Variants in DAB1 observed in about 807,000 individuals in gnomAD.
DAB1 encodes the protein DAB adaptor protein 1.
A neutral mutation model predicts 64.6 loss-of-function variants in DAB1; 15 were observed. The observed-to-expected ratio is 0.23, with a 90% CI of 0.16 to 0.36. The LOEUF (loss-of-function observed/expected upper bound fraction) is 0.36, where lower values mean the gene tolerates loss of function less well. Among genes scored for constraint, DAB1 ranks in the 10% least tolerant of loss-of-function variants. The probability of loss-of-function intolerance (pLI) is 1.00; values close to 1 mark genes in which losing one functional copy is unlikely to be tolerated. For missense variants in DAB1, 596 were observed against 706.7 expected (o/e 0.84, Z 1.78); for synonymous variants, 235 against 251.9 (o/e 0.93, Z 0.64).
downstream of DAB1, among the ~76,000 whole-genome samples, chr1:57,823,281 C>A (rs1347264284): frequency 6.6e-6 from 1 of 151,520 alleles, no homozygotes; most frequent in Non-Finnish European, 1.5e-5. Flanking sequence ...CTGCGCCCAG[C>A]TGAAAAAATT....
At chr1:57,203,206 C>T (rs1405690320) in intron 2 of DAB1, among the ~76,000 whole-genome samples, 2 of 152,182 alleles carry the variant, frequency 1.3e-5, no homozygotes, top group Non-Finnish European at 2.9e-5. Flanking sequence ...AAGTTTTGGA[C>T]AATCTAACAG....
chr1:57,754,313 G>T (rs1648691112), intron 6 of DAB1, among the ~76,000 whole-genome samples: 1 of 152,140 alleles, frequency 6.6e-6, no homozygotes, highest in Admixed American at 6.5e-5. Flanking sequence ...TGAATAAATA[G>T]ATTTTAAAAG....
intron 4 of DAB1, among the ~76,000 whole-genome samples, chr1:58,282,789 T>C (rs1661592626): frequency 6.6e-6 from 1 of 152,254 alleles, no homozygotes; most frequent in Non-Finnish European, 1.5e-5. Context: ...ATGCTTGTTC[T>C]GCCTTGTGCC....
intron 3 of DAB1, among the ~76,000 whole-genome samples, chr1:58,492,944 C>A (rs2100382621): frequency 6.6e-6 from 1 of 152,236 alleles, no homozygotes; most frequent in East Asian, 1.9e-4. Context: ...GATACCAAAG[C>A]CTGGCAGAGA....
intron 6 of DAB1, among the ~76,000 whole-genome samples, chr1:57,772,921 T>C (rs972750842): frequency 2.6e-5 from 4 of 152,044 alleles, no homozygotes; most frequent in Admixed American, 2.0e-4. Context: ...GTGACTGGTG[T>C]CCTTGAAAAA....
At position 58,528,501 on chromosome 1, in the gene DAB1, T is replaced by C. The variant is rs369260408; in HGVS notation, n.33-1166A>G. Among the ~76,000 whole-genome samples the C allele has an allele frequency of 5.9e-4, 90 of 152,338 alleles. No homozygotes were observed. The South Asian group carries it at 0.018, about 30-fold the overall frequency. ...AATGATTCTAAACCTAGTGTGATTT[T>C]GTCCTCCAGGGACATTTACAAATGT... On this transcript the variant is annotated intron_variant and non_coding_transcript_variant, in intron 1 of 20. Coordinates refer to the DAB1 transcript ENST00000485760.
chr1:57,523,484 G>A (rs2793633), intron 7 of DAB1, among the ~76,000 whole-genome samples: 109,271 of 152,092 alleles, frequency 0.72, 39,406 homozygotes, highest in South Asian at 0.78. Context: ...CATTGAGGAA[G>A]GTTTCCAGTA....
intron 1 of DAB1, among the ~76,000 whole-genome samples, chr1:57,380,086 A>G (rs549319801): frequency 6.6e-6 from 1 of 152,282 alleles, no homozygotes; most frequent in Admixed American, 6.5e-5. Context: ...TTTAACAGTC[A>G]CCAAATATTT....
At chr1:57,723,087 C>G (rs144335817) in intron 6 of DAB1, among the ~76,000 whole-genome samples, 2 of 152,200 alleles carry the variant, frequency 1.3e-5, no homozygotes, top group African/African-American at 4.8e-5. Context: ...TTGCCCAATT[C>G]TCAGCTCCCA....
chr1:58,331,914 G>T (rs563877116), intron 4 of DAB1, among the ~76,000 whole-genome samples: 32 of 152,132 alleles, frequency 2.1e-4, no homozygotes, highest in Non-Finnish European at 3.8e-4. Flanking sequence ...TTTATGGAAC[G>T]CATCTCTTCC....
chr1:58,338,438 T>C lies in DAB1; in HGVS notation n.309+4914A>G, dbSNP rs181424833. 5.9e-5 allele frequency among the ~76,000 whole-genome samples: 9 copies of C among 152,370 alleles called. No homozygotes were observed. In the East Asian group the frequency reaches 1.7e-3, roughly 29 times the overall value. ...ATATGGAATTAAGGCATAGATATTC[T>C]TCAATGTTTGTGGCATTATTGAATC... On this transcript the variant is annotated intron_variant and non_coding_transcript_variant, in intron 4 of 20. Transcript: ENST00000485760.
intron 7 of DAB1, among the ~76,000 whole-genome samples, chr1:57,461,679 C>A (rs1438149510): frequency 2.0e-5 from 3 of 152,208 alleles, no homozygotes; most frequent in Admixed American, 2.0e-4. Context: ...TCTTACTCAT[C>A]TTTTCACTTT....
intron 2 of DAB1, among the ~76,000 whole-genome samples, chr1:57,250,927 A>G (rs1283466517): frequency 1.3e-5 from 2 of 152,324 alleles, no homozygotes; most frequent in East Asian, 1.9e-4. Flanking sequence ...TTGAACTTAC[A>G]TCTTTCTGGA....
At position 58,505,955 on chromosome 1, in the gene DAB1, T is replaced by C. The variant is rs1458766041; in HGVS notation, n.257+105A>G. On this transcript the variant is annotated intron_variant and non_coding_transcript_variant, in intron 3 of 20. Transcript: ENST00000485760. ...TAATCCATAATTATAGTAATCAAAA[T>C]AGTTAATAGGCTAGAACTCTCTTTT... is the stretch of plus-strand genomic sequence containing the variant. 3.2e-5 allele frequency: 20 copies of C among 624,768 alleles called. No individual in the cohort carries two copies. In the East Asian group the frequency reaches 3.8e-4, roughly 12 times the overall value. 38.7% of individuals were successfully genotyped at this position (624,768 alleles called of 1,614,324 possible).
chr1:57,835,490 C>A (rs1319511698), intron 1 of DAB1, among the ~76,000 whole-genome samples: 1 of 152,120 alleles, frequency 6.6e-6, no homozygotes, highest in Admixed American at 6.5e-5. Context: ...CCACAGAATG[C>A]CTCTGGGAGC....
At chr1:58,089,007 T>C (rs1026941640) in intron 5 of DAB1, among the ~76,000 whole-genome samples, 2 of 152,242 alleles carry the variant, frequency 1.3e-5, no homozygotes, top group Non-Finnish European at 2.9e-5. Flanking sequence ...CTTAGCATTC[T>C]AGTGTTTTAT....
intron 6 of DAB1, among the ~76,000 whole-genome samples, chr1:57,685,204 G>A (rs1334278301): frequency 4.0e-5 from 6 of 151,162 alleles, no homozygotes; most frequent in Admixed American, 2.6e-4. Context: ...TGCCCACCTC[G>A]GCCTCCCAAA....
chr1:57,320,488 C>T (rs1675616148), intron 1 of DAB1, among the ~76,000 whole-genome samples: 1 of 152,282 alleles, frequency 6.6e-6, no homozygotes, highest in Non-Finnish European at 1.5e-5. Flanking sequence ...TCCATATAGA[C>T]ATGCATTCCC....
chr1:58,253,977 C>A (rs1251773018), intron 4 of DAB1, among the ~76,000 whole-genome samples: 2 of 152,032 alleles, frequency 1.3e-5, no homozygotes, highest in Non-Finnish European at 2.9e-5. Flanking sequence ...TGTAAAGCAC[C>A]CTACAAGGAT....
Sources: gnomAD v4.1 joint callset for allele counts (sites outside exome capture counted in the v4.1 genomes callset) on GRCh38, gnomAD v4.1.1 for gene constraint, MANE v1.5 for transcripts, NCBI Gene and HGNC (gene_info 2026-07-23, HGNC 2026-07-21) for gene names.